Variants in TGM3 observed in about 807,000 individuals in gnomAD.
TGM3 encodes the protein protein-glutamine gamma-glutamyltransferase E.
TGM3 carries 52 observed loss-of-function variants against 73.8 expected under a neutral mutation model. That is an observed-to-expected ratio of 0.70 (90% CI 0.56 to 0.89). TGM3 has a LOEUF of 0.89. Ranked by LOEUF, TGM3 falls within the 40% of genes least tolerant of loss-of-function variation. TGM3 has a pLI of 0.00. For missense variants in TGM3, 928 were observed against 909.9 expected, an observed-to-expected ratio of 1.02 and a Z score of -0.26; for synonymous variants, 372 against 354.9, an observed-to-expected ratio of 1.05 and a Z score of -0.54.
chr20:2,335,207 C>T lies in TGM3; in HGVS notation c.1734C>T (p.Val578=), dbSNP rs773555823. Residue 578 remains valine (V), a synonymous_variant, in exon 11 of 13, where the codon GTC becomes GTT. Transcript: ENST00000381458. Reference sequence around the variant, plus strand: ...TCCGGATCACAGCGGTGTGCAAGGTCCCAGATGAGTCTGAGGTGGTGGTGG... The same window carrying T: ...TCCGGATCACAGCGGTGTGCAAGGTTCCAGATGAGTCTGAGGTGGTGGTGG... The part of the protein sequence containing the change: ...NMIRITAVCK[V]PDESEVVVER... 1.2e-6 allele frequency: 2 copies of T among 1,614,162 alleles called. No homozygotes were observed. Among genetic ancestry groups the T allele is most frequent in the Non-Finnish European group, 1.7e-6 (2 of 1,179,976 alleles).
At chr20:2,330,120 G>A (rs1051626612) in intron 9 of TGM3, among the ~76,000 whole-genome samples, 8 of 152,258 alleles carry the variant, frequency 5.3e-5, no homozygotes, top group Admixed American at 2.0e-4. Flanking sequence ...AGATCACCCT[G>A]CCTGATGTTG....
intron 10 of TGM3, among the ~76,000 whole-genome samples, chr20:2,333,664 G>T (rs1669572358): frequency 6.6e-6 from 1 of 152,108 alleles, no homozygotes. Context: ...CCAAAGTGCT[G>T]GGATTACAGG....
intron 9 of TGM3, 125 bp from the exon 10 acceptor site, chr20:2,331,877 G>A (rs1453993459): frequency 7.8e-6 from 9 of 1,152,956 alleles, no homozygotes; most frequent in East Asian, 2.4e-5. Context: ...TGTGAAAGTC[G>A]AATGCCTGCT....
chr20:2,337,655 G>A (rs932207175), intron 11 of TGM3, among the ~76,000 whole-genome samples: 3 of 143,282 alleles, frequency 2.1e-5, no homozygotes, highest in Non-Finnish European at 3.0e-5. Context: ...GAGAGGCAGC[G>A]GTTGCAGTGA....
intron 4 of TGM3, among the ~76,000 whole-genome samples, chr20:2,311,532 C>G (rs547197265): frequency 6.6e-6 from 1 of 152,156 alleles, no homozygotes; most frequent in Non-Finnish European, 1.5e-5. Context: ...GCCCACTCAG[C>G]CTTTCCAAGC....
At position 2,332,290 on chromosome 20, in the gene TGM3, T is replaced by A. The variant is rs373609319; in HGVS notation, c.1622T>A (p.Met541Lys). 16 of 1,607,004 alleles carry A rather than the reference T, an allele frequency of 1.0e-5. No homozygotes were observed. The highest frequency in any genetic ancestry group is 1.3e-5 in the African/African-American group (1 of 74,836). Residue 541 changes from methionine to lysine, a missense_variant, in exon 10 of 13, where the codon ATG becomes AAG. Coordinates refer to ENST00000381458, the MANE Select transcript of TGM3 (RefSeq NM_003245.4). This position sits in a 1 kb window ranked among gnomAD's most constrained non-coding sequence, Gnocchi z 4.4. ...VHEVWKDSAT[M>K]SLDPEEEAEH... The stretch of plus-strand genomic sequence containing the variant: ...GAAGTGTGGAAGGACTCTGCCACAA[T>A]GTCCCTGGACCCTGAGGAAGGTAAC...
rs902202766 is a variant in TGM3, at chr20:2,313,692, C to T, written c.669+666C>T. On this transcript the variant is annotated intron_variant, in intron 5 of 12. Coordinates refer to ENST00000381458, the MANE Select transcript of TGM3 (RefSeq NM_003245.4). ...AGACACACACACACACGAGCTAGAT[C>T]CCCTAGAAGGCATCTATGGCTCTGC... Among the ~76,000 whole-genome samples the T allele has an allele frequency of 2.6e-5, 4 of 152,272 alleles. No individual in the cohort carries two copies. The East Asian group carries it at 5.8e-4, about 22-fold the overall frequency.
At chr20:2,312,419 A>AG (rs1487477445) in intron 4 of TGM3, among the ~76,000 whole-genome samples, 1 of 150,568 alleles carries the variant, frequency 6.6e-6, no homozygotes, top group Non-Finnish European at 1.5e-5. Context: ...AAAAAAAAAA[A>AG]AAGGATGGGA....
At chr20:2,304,038 C>T (rs906017445) in intron 1 of TGM3, among the ~76,000 whole-genome samples, 3 of 152,176 alleles carry the variant, frequency 2.0e-5, no homozygotes, top group African/African-American at 7.2e-5. Context: ...ACTCCTGTCT[C>T]TTCTTCTCCT....
intron 10 of TGM3, among the ~76,000 whole-genome samples, chr20:2,333,524 G>C (rs2084331946): frequency 6.6e-6 from 1 of 152,068 alleles, no homozygotes; most frequent in Non-Finnish European, 1.5e-5. Context: ...GTAGTCCCAA[G>C]TAACTAGGAC....
intron 1 of TGM3, among the ~76,000 whole-genome samples, chr20:2,299,435 C>T (rs1287515886): frequency 1.3e-5 from 2 of 151,910 alleles, no homozygotes; most frequent in Non-Finnish European, 2.9e-5. Flanking sequence ...TAACTTCATG[C>T]GGCTCCACCC....
chr20:2,305,452 C>A (rs143954174), intron 1 of TGM3, among the ~76,000 whole-genome samples: 5 of 152,384 alleles, frequency 3.3e-5, no homozygotes, highest in Middle Eastern at 6.8e-3. Context: ...GATCCTGGCT[C>A]TGCCAATTTC....
chr20:2,306,735 C>T (rs2084178492), intron 1 of TGM3, among the ~76,000 whole-genome samples: 1 of 152,172 alleles, frequency 6.6e-6, no homozygotes, highest in Non-Finnish European at 1.5e-5. Flanking sequence ...CCTTGGCCTC[C>T]CAAAATGCTG....
intron 10 of TGM3, among the ~76,000 whole-genome samples, chr20:2,333,631 A>G (rs1318790915): frequency 6.6e-6 from 1 of 152,186 alleles, no homozygotes; most frequent in East Asian, 1.9e-4. Flanking sequence ...CCTGGCCTCA[A>G]GCAATTTTCC....
rs999973335 is a variant in TGM3, at chr20:2,334,993, T to C, written c.1643-123T>C. 32 of 1,288,894 alleles carry C rather than the reference T, an allele frequency of 2.5e-5. No individual in the cohort carries two copies. The highest frequency in any genetic ancestry group is 3.5e-5 in the Non-Finnish European group (32 of 920,316). 79.8% of individuals were successfully genotyped at this position (1,288,894 alleles called of 1,614,324 possible). A position where few individuals can be genotyped will look rare whatever the true frequency, so the allele number is the denominator to read the frequency against. ...AGGACCTGGCCCAAGGAGGGCTCAGTCAAGCCCGGGGCTGCAGATCCTCCC... is the reference window on the plus strand; with the variant it reads ...AGGACCTGGCCCAAGGAGGGCTCAGCCAAGCCCGGGGCTGCAGATCCTCCC... On this transcript the variant is annotated intron_variant, in intron 10 of 12. Coordinates refer to ENST00000381458, the MANE Select transcript of TGM3 (RefSeq NM_003245.4). This position sits in a 1 kb window ranked among gnomAD's most constrained non-coding sequence, Gnocchi z 4.0.
chr20:2,296,706 C>T (rs776232901), intron 1 of TGM3, among the ~76,000 whole-genome samples: 4 of 152,058 alleles, frequency 2.6e-5, no homozygotes, highest in Admixed American at 6.5e-5. Flanking sequence ...CAGGAGAGCA[C>T]CAGGGAACAG....
At chr20:2,339,047 G>C (rs2084366225) in intron 11 of TGM3, among the ~76,000 whole-genome samples, 1 of 152,248 alleles carries the variant, frequency 6.6e-6, no homozygotes. Flanking sequence ...AGGACCGTGT[G>C]GTATTAGAGC....
At chr20:2,302,244 C>T (rs1012743494) in intron 1 of TGM3, among the ~76,000 whole-genome samples, 1 of 152,174 alleles carries the variant, frequency 6.6e-6, no homozygotes, top group African/African-American at 2.4e-5. Context: ...CACCCGTGTG[C>T]TGCAGGTGAT....
chr20:2,325,278 G>T (rs553775414), intron 7 of TGM3, among the ~76,000 whole-genome samples: 1 of 152,296 alleles, frequency 6.6e-6, no homozygotes, highest in South Asian at 2.1e-4. Context: ...GGGGTGAGTG[G>T]TGACTGAGGC....
Sources: gnomAD v4.1 joint callset for allele counts (sites outside exome capture counted in the v4.1 genomes callset) on GRCh38, gnomAD v4.1.1 for gene constraint, Gnocchi (gnomAD v3.1) non-coding constraint, MANE v1.5 for transcripts, NCBI Gene and HGNC (gene_info 2026-07-23, HGNC 2026-07-21) for gene names.